Variants in PMFBP1 observed in about 807,000 individuals in gnomAD.
PMFBP1 encodes polyamine modulated factor 1 binding protein 1.
Under a neutral mutation model 137.8 loss-of-function variants are expected in PMFBP1, and 131 were observed. The ratio of observed to expected loss-of-function variants is 0.95; its 90% CI spans 0.82 to 1.10. The LOEUF (loss-of-function observed/expected upper bound fraction) is 1.10, where lower values mean the gene tolerates loss of function less well. PMFBP1 is among the 50% of genes least tolerant of loss of function. PMFBP1 has a pLI of 0.00. For missense variants in PMFBP1, 1,199 were observed against 1,175.4 expected (o/e 1.02, Z -0.29); for synonymous variants, 490 against 450.4 (o/e 1.09, Z -1.11).
chr16:72,140,058 G>A (rs567715658), intron 6 of PMFBP1, among the ~76,000 whole-genome samples: 4 of 152,280 alleles, frequency 2.6e-5, no homozygotes, highest in Admixed American at 2.6e-4. Context: ...AAGTCACAAA[G>A]CGCCTTCCAT....
chr16:72,174,461 G>C (rs2043249195), upstream of PMFBP1, among the ~76,000 whole-genome samples: 1 of 152,180 alleles, frequency 6.6e-6, no homozygotes, highest in African/African-American at 2.4e-5. Context: ...CCTGGCACCA[G>C]GGGAAGCTTG....
intron 3 of PMFBP1, among the ~76,000 whole-genome samples, chr16:72,158,503 C>T (rs2043014748): frequency 6.6e-6 from 1 of 151,912 alleles, no homozygotes; most frequent in African/African-American, 2.4e-5. Flanking sequence ...TGTGTGTGTA[C>T]ATGCACATAC....
intron 4 of PMFBP1, among the ~76,000 whole-genome samples, chr16:72,153,577 T>C (rs373367): frequency 1 from 151,967 of 151,968 alleles, 75,983 homozygotes; most frequent in Middle Eastern, 1. Context: ...AGCTTTGGGT[T>C]TTTGGAATTT....
At chr16:72,218,511 C>G in the PMFBP1 span, among the ~76,000 whole-genome samples, 2 of 152,058 alleles carry the variant, frequency 1.3e-5, no homozygotes, top group Non-Finnish European at 2.9e-5. Context: ...AAACTCCTGA[C>G]CTCAAATGAT....
At chr16:72,157,906 A>G (rs1312778775) in intron 3 of PMFBP1, among the ~76,000 whole-genome samples, 3 of 152,172 alleles carry the variant, frequency 2.0e-5, no homozygotes, top group Admixed American at 1.3e-4. Context: ...CTGCTGGGTT[A>G]CAGGTTAGAT....
chr16:72,228,891 G>A, the PMFBP1 span, among the ~76,000 whole-genome samples: 1 of 145,610 alleles, frequency 6.9e-6, no homozygotes, highest in African/African-American at 2.6e-5. Flanking sequence ...GGGTACATGT[G>A]CAGGATTGTT....
intron 2 of PMFBP1, among the ~76,000 whole-genome samples, chr16:72,165,268 T>C (rs1253421935): frequency 2.0e-5 from 3 of 152,200 alleles, no homozygotes; most frequent in African/African-American, 7.2e-5. Flanking sequence ...GATGAACATA[T>C]TGAGATGTCA....
At chr16:72,131,245 A>G (rs1173750944) in intron 10 of PMFBP1, among the ~76,000 whole-genome samples, 1 of 152,048 alleles carries the variant, frequency 6.6e-6, no homozygotes, top group Non-Finnish European at 1.5e-5. Context: ...GGTGTGTGGG[A>G]GGAGGGTAGA....
At chr16:72,238,132 G>T in the PMFBP1 span, among the ~76,000 whole-genome samples, 2 of 152,276 alleles carry the variant, frequency 1.3e-5, no homozygotes, top group African/African-American at 4.8e-5. Context: ...CTTTGTGATA[G>T]AATGATTTAT....
rs767690169 is a variant in PMFBP1 at position 72,119,317 on chromosome 16, G to A, written c.*21C>T. The A allele has an allele frequency of 6.2e-7, 1 of 1,611,992 alleles. No individual in the cohort carries two copies. The highest frequency in any genetic ancestry group is 8.5e-7 in the Non-Finnish European group (1 of 1,178,038). On this transcript the variant is annotated 3_prime_UTR_variant, in exon 21 of 21. Transcript: ENST00000237353. ...CTGAAGAAACACCCGTGGAAATGCTGCTCAGGGCTAGATGTGGATTCTAGC... is the reference window on the plus strand; with the variant it reads ...CTGAAGAAACACCCGTGGAAATGCTACTCAGGGCTAGATGTGGATTCTAGC...
chr16:72,159,848 TAA>T (rs1447188080), intron 3 of PMFBP1, among the ~76,000 whole-genome samples: 1 of 152,112 alleles, frequency 6.6e-6, no homozygotes, highest in Non-Finnish European at 1.5e-5. Context: ...GATATTTTAT[TAA>T]GAGTCTTCTT....
the PMFBP1 span, among the ~76,000 whole-genome samples, chr16:72,248,242 G>C: frequency 6.6e-6 from 1 of 152,200 alleles, no homozygotes; most frequent in Non-Finnish European, 1.5e-5. Context: ...AGTTGGCGCT[G>C]ACAGGATTTC....
the PMFBP1 span, among the ~76,000 whole-genome samples, chr16:72,215,116 G>A: frequency 3.3e-5 from 5 of 152,202 alleles, no homozygotes; most frequent in South Asian, 1.0e-3. Flanking sequence ...GAGAAGTAAT[G>A]AGAAATCCCA....
chr16:72,140,928 CTTTTTTTTTTTT>C (rs35908141), intron 5 of PMFBP1, among the ~76,000 whole-genome samples: 2 of 69,798 alleles, frequency 2.9e-5, no homozygotes, highest in South Asian at 6.3e-4. Flanking sequence ...ACAAATGAGT[CTTTTTTTTTTTT>C]TTTTTTTTTT....
At chr16:72,224,293 G>A in the PMFBP1 span, among the ~76,000 whole-genome samples, 2 of 152,000 alleles carry the variant, frequency 1.3e-5, no homozygotes, top group Non-Finnish European at 2.9e-5. Flanking sequence ...GAGCTCTTGC[G>A]AGAGCCTCTT....
chr16:72,164,700 G>T, intron 3 of PMFBP1, 64 bp downstream of exon 3: 1 of 1,525,426 alleles, frequency 6.6e-7, no homozygotes. Flanking sequence ...TATTATTCCC[G>T]CCCAAGGGAG....
Position 72,130,330 on chromosome 16 carries a change from T to G in PMFBP1, c.1665A>C (p.Glu555Asp). ...CAAGCTTCCTCAGGGCTTCAGAGAG[T>G]TCTAATGACAGCTCCTCCACCCGTT... ...NRKRVEELSL[E>D]LSEALRKLEN... is the part of the protein sequence containing the mutation. Residue 555 changes from glutamate to aspartate, a missense_variant, in exon 12 of 21, where the codon GAA (glutamate) becomes GAC (aspartate). Physicochemically the swap from Glu to Asp is conservative, Grantham distance 45. Coordinates refer to ENST00000237353, the MANE Select transcript of PMFBP1 (RefSeq NM_031293.3). 1 of 1,613,992 alleles carries G rather than the reference T, an allele frequency of 6.2e-7. No individual in the cohort carries two copies. The highest frequency in any genetic ancestry group is 2.2e-5 in the East Asian group (1 of 44,872).
upstream of PMFBP1, among the ~76,000 whole-genome samples, chr16:72,177,596 C>T (rs1468483736): frequency 1.3e-5 from 2 of 152,160 alleles, no homozygotes; most frequent in Admixed American, 6.5e-5. Context: ...TCCCCAGTTT[C>T]CCCAATATTA....
chr16:72,138,368 C>T (rs184090492), intron 7 of PMFBP1, among the ~76,000 whole-genome samples: 97 of 152,300 alleles, frequency 6.4e-4, no homozygotes, highest in Admixed American at 1.6e-3. Context: ...AGTCTTGGGG[C>T]GTGCAGGCAT....
Sources: allele counts gnomAD v4.1 joint callset (sites outside exome capture counted in the v4.1 genomes callset), GRCh38; gene constraint gnomAD v4.1.1; transcripts MANE v1.5; gene names NCBI Gene and HGNC (gene_info 2026-07-23, HGNC 2026-07-21).